OR52N4: variants seen among roughly 807,000 people sequenced by gnomAD.
OR52N4 encodes olfactory receptor family 52 subfamily N member 4.
OR52N4 carries 15 observed loss-of-function variants against 15.0 expected under a neutral mutation model. The ratio of observed to expected loss-of-function variants is 1.00; its 90% CI spans 0.67 to 1.54. The LOEUF (loss-of-function observed/expected upper bound fraction) is 1.54. OR52N4 is among the 40% of genes most tolerant of loss of function. The pLI is 0.00. For synonymous variants in OR52N4, 143 were observed against 143.7 expected (o/e 1.00, Z 0.03); for missense variants, 421 against 394.0 (o/e 1.07, Z -0.58).
the OR52N4 span, among the ~76,000 whole-genome samples, chr11:5,743,545 A>G: frequency 5.3e-5 from 8 of 152,188 alleles, no homozygotes; most frequent in Non-Finnish European, 1.0e-4. Flanking sequence ...TTCTTACACC[A>G]CAGTGGATTA....
chr11:5,744,735 A>T, the OR52N4 span, among the ~76,000 whole-genome samples: 1 of 152,166 alleles, frequency 6.6e-6, no homozygotes, highest in Non-Finnish European at 1.5e-5. Flanking sequence ...CACCATGGCG[A>T]AACCCTGTCT....
At chr11:5,745,030 C>T in the OR52N4 span, among the ~76,000 whole-genome samples, 5 of 151,670 alleles carry the variant, frequency 3.3e-5, no homozygotes, top group African/African-American at 1.2e-4. Context: ...AAACTAGGCA[C>T]TGAGGGAACA....
At chr11:5,747,030 GAGACCAGCCTGGTCAAC>G in the OR52N4 span, among the ~76,000 whole-genome samples, 48,317 of 140,266 alleles carry the variant, frequency 0.34, 8,549 homozygotes, top group East Asian at 0.49. Flanking sequence ...CCAGGAGTTG[GAGACCAGCCTGGTCAAC>G]ATGGTGAAAC....
At chr11:5,730,705 C>G in the OR52N4 span, among the ~76,000 whole-genome samples, 2 of 151,096 alleles carry the variant, frequency 1.3e-5, 1 homozygote, top group Non-Finnish European at 2.9e-5. Flanking sequence ...GCTAACTTCT[C>G]ACTCATTCCA....
the OR52N4 span, among the ~76,000 whole-genome samples, chr11:5,743,552 A>T: frequency 6.6e-6 from 1 of 152,216 alleles, no homozygotes; most frequent in African/African-American, 2.4e-5. Flanking sequence ...ACCACAGTGG[A>T]TTAAACTAAA....
At chr11:5,734,119 G>A in the OR52N4 span, 1 of 454,140 alleles carries the variant, frequency 2.2e-6, no homozygotes, top group Admixed American at 2.4e-5. Flanking sequence ...CATCTTAGCT[G>A]ACAACACATT....
At chr11:5,739,178 G>T in the OR52N4 span, among the ~76,000 whole-genome samples, 1 of 124,734 alleles carries the variant, frequency 8.0e-6, no homozygotes. Flanking sequence ...CAATATAGTT[G>T]AGAACATTAA....
chr11:5,741,159 C>G, the OR52N4 span, among the ~76,000 whole-genome samples: 125,484 of 129,430 alleles, frequency 0.97, 61,023 homozygotes, highest in Non-Finnish European at 1. Context: ...GCCCTCTCTA[C>G]ATTGTCAGGC....
At position 5,754,594 on chromosome 11, in the gene OR52N4, T is replaced by A. The variant is rs1854257123; in HGVS notation, c.-48-99T>A. On this transcript the variant is annotated intron_variant, in intron 1 of 1. Transcript: ENST00000641350. ...TTCTTGGCACTCAGAAATTTGGTTG[T>A]TGGACCATTAAAATGCATTATGGAA... 3.9e-6 allele frequency: 3 copies of A among 761,700 alleles called. No individual in the cohort carries two copies. In the South Asian group the frequency reaches 7.8e-5, roughly 20 times the overall value. The allele number at this position is 761,700 out of a possible 1,614,324, so 47.2% of individuals were successfully genotyped here.
At chr11:5,730,692 T>C in the OR52N4 span, among the ~76,000 whole-genome samples, 14 of 151,440 alleles carry the variant, frequency 9.2e-5, no homozygotes, top group African/African-American at 2.9e-4. Flanking sequence ...AGATCCATCT[T>C]TGGCTAACTT....
At chr11:5,731,301 C>T in the OR52N4 span, among the ~76,000 whole-genome samples, 1 of 152,192 alleles carries the variant, frequency 6.6e-6, no homozygotes, top group Admixed American at 6.5e-5. Flanking sequence ...ATCCACTTCT[C>T]ATTCATTGTA....
chr11:5,735,324 T>G, the OR52N4 span, among the ~76,000 whole-genome samples: 4 of 152,062 alleles, frequency 2.6e-5, no homozygotes, highest in Admixed American at 1.3e-4. Context: ...TTGAGTCATA[T>G]CTGAGAGTGT....
chr11:5,733,823 T>G, the OR52N4 span, among the ~76,000 whole-genome samples: 7 of 152,202 alleles, frequency 4.6e-5, no homozygotes, highest in East Asian at 7.7e-4. Context: ...CCAGAGTTTG[T>G]GTGCTTAAAA....
chr11:5,740,098 A>G, the OR52N4 span, among the ~76,000 whole-genome samples: 2 of 127,346 alleles, frequency 1.6e-5, 1 homozygote, highest in East Asian at 5.4e-4. Context: ...CTATCTGATG[A>G]CTAGTCCTAT....
At chr11:5,733,589 C>T in the OR52N4 span, among the ~76,000 whole-genome samples, 1 of 152,024 alleles carries the variant, frequency 6.6e-6, no homozygotes, top group East Asian at 1.9e-4. Flanking sequence ...GCACTAATCC[C>T]AGTCTATTAT....
At chr11:5,743,495 A>G in the OR52N4 span, among the ~76,000 whole-genome samples, 1 of 152,218 alleles carries the variant, frequency 6.6e-6, no homozygotes, top group Non-Finnish European at 1.5e-5. Flanking sequence ...ATGCTAGGCC[A>G]GTCTCTATAA....
chr11:5,743,547 A>C, the OR52N4 span, among the ~76,000 whole-genome samples: 1 of 152,196 alleles, frequency 6.6e-6, no homozygotes, highest in Non-Finnish European at 1.5e-5. Flanking sequence ...CTTACACCAC[A>C]GTGGATTAAA....
chr11:5,736,846 TTA>T, the OR52N4 span: 7 of 1,614,012 alleles, frequency 4.3e-6, no homozygotes, highest in Non-Finnish European at 5.9e-6. Context: ...TTGCTCAGAT[TTA>T]TGCCATTCAC....
At chr11:5,736,242 G>T in the OR52N4 span, 1 of 403,856 alleles carries the variant, frequency 2.5e-6, no homozygotes. Context: ...GACGTTAATG[G>T]ACATCTATAT....
Sources: allele counts gnomAD v4.1 joint callset (sites outside exome capture counted in the v4.1 genomes callset), GRCh38; gene constraint gnomAD v4.1.1; transcripts MANE v1.5; gene names NCBI Gene and HGNC (gene_info 2026-07-23, HGNC 2026-07-21).